Variants in NTF3 observed in about 807,000 individuals in gnomAD.
The protein encoded by NTF3 is neurotrophin 3, also known as neurotrophin-3.
Under a neutral mutation model 26.3 loss-of-function variants are expected in NTF3, and 8 were observed. The observed-to-expected ratio is 0.30, with a 90% CI of 0.18 to 0.55. NTF3 has a LOEUF of 0.55. Ranked by LOEUF, NTF3 falls within the 20% of genes least tolerant of loss-of-function variation. The pLI, the probability that NTF3 is intolerant of heterozygous loss-of-function variation, is 0.93. For synonymous variants in NTF3, 154 were observed against 145.5 expected, an observed-to-expected ratio of 1.06 and a Z score of -0.42; for missense variants, 276 against 352.9, an observed-to-expected ratio of 0.78 and a Z score of 1.75.
intron 1 of NTF3, among the ~76,000 whole-genome samples, chr12:5,491,320 G>A (rs1940933206): frequency 6.6e-6 from 1 of 152,210 alleles, no homozygotes; most frequent in East Asian, 1.9e-4. Context: ...GAGTCCACAG[G>A]AAGCCTGCAG....
At chr12:5,438,453 C>T (rs936876629) in intron 1 of NTF3, among the ~76,000 whole-genome samples, 47 of 152,128 alleles carry the variant, frequency 3.1e-4, no homozygotes, top group African/African-American at 1.0e-3. Context: ...TATGACTGAC[C>T]GTGATGTCAT....
chr12:5,452,926 GC>G (rs1165489820), intron 1 of NTF3, among the ~76,000 whole-genome samples: 1 of 152,142 alleles, frequency 6.6e-6, no homozygotes, highest in Non-Finnish European at 1.5e-5. Flanking sequence ...CTCATGTAGT[GC>G]AGTGGGAAAG....
intron 1 of NTF3, among the ~76,000 whole-genome samples, chr12:5,435,788 G>A (rs367911903): frequency 7.6e-4 from 116 of 152,270 alleles, no homozygotes; most frequent in African/African-American, 2.7e-3. Context: ...TCTGGGCTAC[G>A]AGTGTAAAGC....
chr12:5,430,646 T>G (rs1940073398), upstream of NTF3, among the ~76,000 whole-genome samples: 1 of 150,048 alleles, frequency 6.7e-6, no homozygotes, highest in Non-Finnish European at 1.5e-5. Flanking sequence ...CGGTTGGTCC[T>G]GAACTGGTGG....
At chr12:5,465,621 C>T (rs1021026121) in intron 1 of NTF3, among the ~76,000 whole-genome samples, 3 of 152,228 alleles carry the variant, frequency 2.0e-5, no homozygotes, top group African/African-American at 2.4e-5. Context: ...ATTTTACATT[C>T]GGCAAACCTG....
intron 1 of NTF3, among the ~76,000 whole-genome samples, chr12:5,438,191 T>C (rs1940196015): frequency 6.6e-6 from 1 of 152,176 alleles, no homozygotes; most frequent in African/African-American, 2.4e-5. Flanking sequence ...GGACTCATTT[T>C]AGAACCTGTG....
At chr12:5,432,367 G>A in intron 1 of NTF3, 25 bp downstream of exon 1, 1 of 1,611,280 alleles carries the variant, frequency 6.2e-7, no homozygotes, top group Non-Finnish European at 8.5e-7. Flanking sequence ...CGGGCACCTT[G>A]GGTGGGCAGG....
chr12:5,452,640 C>G (rs1379299409), intron 1 of NTF3, among the ~76,000 whole-genome samples: 1 of 152,142 alleles, frequency 6.6e-6, no homozygotes, highest in Non-Finnish European at 1.5e-5. Context: ...GATGGTTATT[C>G]TTGAAAGCCC....
chr12:5,482,006 TAC>T (rs926959030), intron 1 of NTF3, among the ~76,000 whole-genome samples: 2 of 151,276 alleles, frequency 1.3e-5, no homozygotes, highest in African/African-American at 4.9e-5. Flanking sequence ...CATGCATGCA[TAC>T]ACACACTACA....
Position 5,494,437 on chromosome 12 carries a change from G to A in NTF3, c.262G>A (p.Gly88Arg). The A allele has an allele frequency of 1.2e-6, 2 of 1,613,278 alleles. No homozygotes were observed. Among genetic ancestry groups the A allele is most frequent in the Non-Finnish European group, 1.7e-6 (2 of 1,179,980 alleles). ...TGAGGCTCCCCGAGAGCCGGAGCGG[G>A]GAGGGCCCGCCAAGTCAGCATTCCA... ...KAEAPREPER[G>R]GPAKSAFQPV... Residue 88 changes from glycine (G) to arginine (R), a missense_variant, in exon 2 of 2, where the codon GGA (glycine) becomes AGA (arginine). Around this residue, in one of 3 missense-constraint regions of NTF3, gnomAD observed 221 missense variants for 258.2 expected, o/e 0.86. Coordinates refer to ENST00000423158, the MANE Select transcript of NTF3 (RefSeq NM_001102654.2). This position sits in a 1 kb window ranked among gnomAD's most constrained non-coding sequence, Gnocchi z 8.3.
chr12:5,452,153 TGG>T (rs1940382289), intron 1 of NTF3, among the ~76,000 whole-genome samples: 1 of 149,546 alleles, frequency 6.7e-6, no homozygotes, highest in Non-Finnish European at 1.5e-5. Context: ...TGGAAGGCAG[TGG>T]CGCAATCTCA....
intron 1 of NTF3, among the ~76,000 whole-genome samples, chr12:5,473,398 C>G (rs1940689100): frequency 6.6e-6 from 1 of 152,212 alleles, no homozygotes; most frequent in Non-Finnish European, 1.5e-5. Context: ...CCTCCCAGAG[C>G]CTTGTCCGTG....
intron 1 of NTF3, among the ~76,000 whole-genome samples, chr12:5,480,780 A>C (rs775636927): frequency 2.3e-4 from 23 of 98,438 alleles, no homozygotes; most frequent in Non-Finnish European, 3.9e-4. Flanking sequence ...GAAGGGTTAC[A>C]GGCTGGAGGA....
At chr12:5,493,998 C>A in intron 1 of NTF3, 196 bp from the exon 2 acceptor site, 1 of 599,598 alleles carries the variant, frequency 1.7e-6, no homozygotes, top group Non-Finnish European at 2.9e-6. Context: ...ACCTGGAGTG[C>A]ATTCGCAGTA....
chr12:5,458,202 TG>T (rs759957060), intron 1 of NTF3, among the ~76,000 whole-genome samples: 14 of 152,176 alleles, frequency 9.2e-5, no homozygotes, highest in Admixed American at 2.6e-4. Context: ...CCACAGCACC[TG>T]GGTATTTGCT....
In NTF3 at chr12:5,444,199, C is replaced by T. The variant is rs114602548; in HGVS notation, c.18+11857C>T. Among the ~76,000 whole-genome samples, 561 of 152,280 alleles carry T rather than the reference C, an allele frequency of 3.7e-3. 2 individuals carry two copies. Among genetic ancestry groups the T allele is most frequent in the African/African-American group, 0.012 (515 of 41,548 alleles). On this transcript the variant is annotated intron_variant, in intron 1 of 1. Transcript: ENST00000423158. ...CAGTCAAGGATAGAACCATTAGAGA[C>T]GGTCAGCTTTTGGACAAAGACAAAA...
At position 5,494,408 on chromosome 12, in the gene NTF3, A is replaced by G; in HGVS notation, c.233A>G (p.Lys78Arg). The G allele has an allele frequency of 1.9e-6, 3 of 1,613,716 alleles. No homozygotes were observed. Among genetic ancestry groups the G allele is most frequent in the Non-Finnish European group, 2.5e-6 (3 of 1,179,992 alleles). ...GAAAATTACCAGAGCACCCTGCCCA[A>G]AGCTGAGGCTCCCCGAGAGCCGGAG... ...VKENYQSTLP[K>R]AEAPREPERG... The change falls in exon 2 of 2, where the codon AAA (lysine) becomes AGA (arginine). Residue 78 changes from lysine to arginine, a missense_variant. Physicochemically the swap from Lys to Arg is conservative, Grantham distance 26. Around this residue, in one of 3 missense-constraint regions of NTF3, gnomAD observed 221 missense variants for 258.2 expected, o/e 0.86. Coordinates refer to ENST00000423158, the MANE Select transcript of NTF3 (RefSeq NM_001102654.2). This position sits in a 1 kb window ranked among gnomAD's most constrained non-coding sequence, Gnocchi z 8.3.
intron 1 of NTF3, among the ~76,000 whole-genome samples, chr12:5,437,231 G>A (rs1330822493): frequency 1.3e-5 from 2 of 152,214 alleles, no homozygotes; most frequent in Non-Finnish European, 2.9e-5. Flanking sequence ...CTTGAGTTCA[G>A]TGGCCATAAA....
intron 1 of NTF3, among the ~76,000 whole-genome samples, chr12:5,463,124 G>A (rs1337552700): frequency 6.6e-6 from 1 of 152,150 alleles, no homozygotes; most frequent in East Asian, 1.9e-4. Context: ...TATTAGACTA[G>A]CATTGGACCC....
Sources: gnomAD v4.1 joint callset for allele counts (sites outside exome capture counted in the v4.1 genomes callset) on GRCh38, gnomAD v4.1.1 for gene constraint, gnomAD v4.1.1 regional missense constraint, Gnocchi (gnomAD v3.1) non-coding constraint, MANE v1.5 for transcripts, NCBI Gene and HGNC (gene_info 2026-07-23, HGNC 2026-07-21) for gene names.